PCCA: variants seen among roughly 807,000 people sequenced by gnomAD.
PCCA encodes propionyl-CoA carboxylase subunit alpha, also known as propionyl-CoA carboxylase alpha chain, mitochondrial.
A neutral mutation model predicts 101.3 loss-of-function variants in PCCA; 74 were observed. That is an observed-to-expected ratio of 0.73 (90% confidence interval 0.61 to 0.89). The LOEUF is 0.89. Ranked by LOEUF, PCCA falls within the 40% of genes least tolerant of loss-of-function variation. The pLI is 0.00. For synonymous variants in PCCA, 294 were observed against 313.6 expected, an observed-to-expected ratio of 0.94 and a Z score of 0.66; for missense variants, 891 against 907.0, an observed-to-expected ratio of 0.98 and a Z score of 0.23.
rs776087489 is a variant in PCCA, at chr13:100,257,672, A to T, written c.715A>T (p.Arg239Trp). The T allele has an allele frequency of 1.7e-5, 27 of 1,609,760 alleles. No homozygotes were observed. Among genetic ancestry groups the T allele is most frequent in the Non-Finnish European group, 8.5e-7 (1 of 1,176,322 alleles). The change falls in exon 9 of 24, where the codon AGG (arginine) becomes TGG (tryptophan). Residue 239 changes from arginine to tryptophan, a missense_variant and splice_region_variant. By Grantham distance (101) the Arg-to-Trp change is moderately radical. Coordinates refer to ENST00000376285, the MANE Select transcript of PCCA (RefSeq NM_000282.4). ...MRIAWDDEET[R>W]DGFRLSSQEA... is the part of the protein sequence containing the mutation. Reference sequence around the variant, plus strand: ...CATTGCTTGGGATGATGAAGAGACCAGGTGAGAGGCTGTCCAAAATATACT... The same window carrying T: ...CATTGCTTGGGATGATGAAGAGACCTGGTGAGAGGCTGTCCAAAATATACT...
At chr13:100,172,413 T>A (rs575076969) in intron 6 of PCCA, among the ~76,000 whole-genome samples, 1 of 152,308 alleles carries the variant, frequency 6.6e-6, no homozygotes, top group South Asian at 2.1e-4. Flanking sequence ...AATTGATTTT[T>A]AAAAATGACT....
At chr13:100,337,156 G>A (rs1041656553) in intron 17 of PCCA, among the ~76,000 whole-genome samples, 2 of 152,156 alleles carry the variant, frequency 1.3e-5, no homozygotes, top group Non-Finnish European at 2.9e-5. Flanking sequence ...GGATTCATCA[G>A]TAAACAGAAA....
intron 2 of PCCA, among the ~76,000 whole-genome samples, chr13:100,103,230 A>G (rs892339786): frequency 8.5e-5 from 13 of 152,214 alleles, no homozygotes; most frequent in Non-Finnish European, 1.8e-4. Flanking sequence ...TTCCAGCAGA[A>G]TAACTAAGAA....
At chr13:100,431,350 T>C (rs575088191) in intron 20 of PCCA, among the ~76,000 whole-genome samples, 1 of 152,314 alleles carries the variant, frequency 6.6e-6, no homozygotes, top group East Asian at 1.9e-4. Context: ...TTTTGTCGTA[T>C]GTGTTGATAA....
At chr13:100,493,164 C>T (rs1017548969) in intron 21 of PCCA, among the ~76,000 whole-genome samples, 3 of 152,234 alleles carry the variant, frequency 2.0e-5, no homozygotes, top group African/African-American at 7.2e-5. Context: ...ACCCCAGCTC[C>T]TACACCTGCC....
intron 19 of PCCA, among the ~76,000 whole-genome samples, chr13:100,380,826 T>C (rs1185919694): frequency 1.3e-5 from 2 of 152,146 alleles, no homozygotes; most frequent in Non-Finnish European, 2.9e-5. Flanking sequence ...GGAAAAAATA[T>C]TTGCAAATGA....
chr13:100,523,535 G>A (rs999739128), intron 22 of PCCA, among the ~76,000 whole-genome samples: 4 of 152,100 alleles, frequency 2.6e-5, no homozygotes, highest in Non-Finnish European at 4.4e-5. Flanking sequence ...AGCAATGCTG[G>A]GTGACACTCG....
intron 1 of PCCA, among the ~76,000 whole-genome samples, chr13:100,095,948 C>G (rs2046733873): frequency 6.6e-6 from 1 of 152,096 alleles, no homozygotes; most frequent in East Asian, 1.9e-4. Context: ...AGAGTGGAAA[C>G]AGAGAGACCC....
intron 21 of PCCA, among the ~76,000 whole-genome samples, chr13:100,467,291 C>T (rs1394214851): frequency 6.6e-6 from 1 of 152,130 alleles, no homozygotes; most frequent in African/African-American, 2.4e-5. Flanking sequence ...GCTTAGACAC[C>T]AGCCACTTAA....
chr13:100,214,647 T>C (rs1013355280), intron 7 of PCCA, among the ~76,000 whole-genome samples: 5 of 152,028 alleles, frequency 3.3e-5, no homozygotes, highest in Non-Finnish European at 7.4e-5. Flanking sequence ...ATGATGGTCT[T>C]GATCTCCTGA....
chr13:100,410,236 G>GTTGTTTTGTT (rs1258863360), intron 19 of PCCA, among the ~76,000 whole-genome samples: 2 of 151,728 alleles, frequency 1.3e-5, no homozygotes, highest in South Asian at 2.1e-4. Flanking sequence ...TGTTTTTGTT[G>GTTGTTTTGTT]TTGTTTTGTT....
Position 100,209,567 on chromosome 13 carries a change from C to T in PCCA, c.600+104C>T. On this transcript the variant is annotated intron_variant, in intron 7 of 23. Transcript: ENST00000376285. The stretch of plus-strand genomic sequence containing the variant: ...ATTGCTTTTTTGGGATATACACACA[C>T]ACACACACATATGCACGCACATACA... 4.8e-6 allele frequency: 4 copies of T among 836,834 alleles called. No homozygotes were observed. The South Asian group carries it at 5.4e-5, about 11-fold the overall frequency. 51.8% of individuals were successfully genotyped at this position (836,834 alleles called of 1,614,324 possible). A position where few individuals can be genotyped will look rare whatever the true frequency, so the allele number is the denominator to read the frequency against.
At chr13:100,226,104 G>A (rs2152504939) in intron 7 of PCCA, among the ~76,000 whole-genome samples, 1 of 152,244 alleles carries the variant, frequency 6.6e-6, no homozygotes, top group Non-Finnish European at 1.5e-5. Context: ...AGATTTGGAA[G>A]TATATTAAAA....
chr13:100,255,347 T>C lies in PCCA; in HGVS notation c.638-2248T>C, dbSNP rs1339166740. Among the ~76,000 whole-genome samples the C allele has an allele frequency of 2.0e-5, 3 of 152,344 alleles. No individual in the cohort carries two copies. In the East Asian group the frequency reaches 5.8e-4, roughly 29 times the overall value. On this transcript the variant is annotated intron_variant, in intron 8 of 23. Transcript: ENST00000376285. The stretch of plus-strand genomic sequence containing the variant: ...TATCTTGTTTCCCCAGCTTGTTCCT[T>C]GTGAGCAAGAATGATTTCCATGTCA...
rs551861915 is a variant in PCCA at position 100,370,027 on chromosome 13, A to G, written c.1746+1453A>G. On this transcript the variant is annotated intron_variant, in intron 19 of 23. Coordinates refer to ENST00000376285, the MANE Select transcript of PCCA (RefSeq NM_000282.4). ...ACAATGTTCTTTTAAGTAGTGCCTT[A>G]CCTTAATAAAGAAAACTGTCTAGAT... is the stretch of plus-strand genomic sequence containing the variant. 1.0e-4 allele frequency among the ~76,000 whole-genome samples: 15 copies of G among 147,222 alleles called. No individual in the cohort carries two copies. The South Asian group carries it at 3.2e-3, about 32-fold the overall frequency.
intron 16 of PCCA, among the ~76,000 whole-genome samples, chr13:100,327,553 A>G (rs1218488170): frequency 2.6e-5 from 4 of 152,228 alleles, no homozygotes; most frequent in Admixed American, 2.0e-4. Flanking sequence ...AAGTCTTTGT[A>G]TAGACATATG....
At position 100,432,517 on chromosome 13, in the gene PCCA, G is replaced by C. The variant is rs377098642; in HGVS notation, c.1845+6786G>C. On this transcript the variant is annotated intron_variant, in intron 20 of 23. Transcript: ENST00000376285. ...GTATTCATTTAGGGAAGTAATGAGA[G>C]CTAAACATGGAAAAATAGGTTGGAG... 4.6e-5 allele frequency among the ~76,000 whole-genome samples: 7 copies of C among 152,310 alleles called. No individual in the cohort carries two copies. In the East Asian group the frequency reaches 1.2e-3, roughly 25 times the overall value.
At chr13:100,331,923 G>T (rs1459445085) in intron 17 of PCCA, among the ~76,000 whole-genome samples, 1 of 145,458 alleles carries the variant, frequency 6.9e-6, no homozygotes, top group African/African-American at 2.5e-5. Context: ...GATGAGAAAG[G>T]ATTACTTTGG....
chr13:100,122,745 C>G (rs2049536037), intron 4 of PCCA, among the ~76,000 whole-genome samples: 1 of 152,106 alleles, frequency 6.6e-6, no homozygotes, highest in South Asian at 2.1e-4. Flanking sequence ...TTGTCATAGT[C>G]TGGGTGGCTT....
Sources: allele counts gnomAD v4.1 joint callset (sites outside exome capture counted in the v4.1 genomes callset), GRCh38; gene constraint gnomAD v4.1.1; transcripts MANE v1.5; gene names NCBI Gene and HGNC (gene_info 2026-07-23, HGNC 2026-07-21).